Variants in HDAC9 observed in about 807,000 individuals in gnomAD.
The protein encoded by HDAC9 is MEF-2 interacting transcription repressor (MITR) protein.
In HDAC9, 41 loss-of-function variants were observed where a neutral mutation model predicts 139.4. The observed-to-expected ratio is 0.29, with a 90% CI of 0.23 to 0.38. HDAC9 has a LOEUF of 0.38. HDAC9 is among the 10% of genes least tolerant of loss of function. HDAC9 has a pLI of 1.00. For synonymous variants in HDAC9, 517 were observed against 476.2 expected, an observed-to-expected ratio of 1.09 and a Z score of -1.12; for missense variants, 1,147 against 1,297.0, an observed-to-expected ratio of 0.88 and a Z score of 1.78.
At chr7:18,755,247 C>T (rs1387602523) in intron 14 of HDAC9, among the ~76,000 whole-genome samples, 1 of 151,962 alleles carries the variant, frequency 6.6e-6, no homozygotes, top group East Asian at 1.9e-4. Context: ...ATAAATATAC[C>T]AAAACTAATT....
intron 1 of HDAC9, among the ~76,000 whole-genome samples, chr7:18,356,847 A>C (rs1384928310): frequency 6.6e-6 from 1 of 152,188 alleles, no homozygotes; most frequent in South Asian, 2.1e-4. Context: ...GCAGGATTTA[A>C]AATCTATAAG....
intron 1 of HDAC9, among the ~76,000 whole-genome samples, chr7:18,094,694 T>C (rs1782388426): frequency 6.6e-6 from 1 of 152,170 alleles, no homozygotes; most frequent in African/African-American, 2.4e-5. Context: ...GGCCTCAAGC[T>C]ATCCTCCTGC....
At chr7:18,967,198 T>C (rs1461220433) in intron 24 of HDAC9, among the ~76,000 whole-genome samples, 2 of 152,178 alleles carry the variant, frequency 1.3e-5, no homozygotes, top group Non-Finnish European at 2.9e-5. Flanking sequence ...AAGGAACAAT[T>C]TAAGAAGTGC....
In HDAC9 at chr7:18,575,044, G is replaced by C. The variant is rs903851342; in HGVS notation, c.23-10237G>C. Reference sequence around the variant, plus strand: ...GCAGCCCCCGCCCCCACTGCAGCTGGTGTCATGGCAGCAGCCCTTCTGGAC... The same window carrying C: ...GCAGCCCCCGCCCCCACTGCAGCTGCTGTCATGGCAGCAGCCCTTCTGGAC... On this transcript the variant is annotated intron_variant, in intron 2 of 25. Coordinates refer to ENST00000686413, the MANE Select transcript of HDAC9 (RefSeq NM_178425.4). Among the ~76,000 whole-genome samples, 7 of 152,368 alleles carry C rather than the reference G, an allele frequency of 4.6e-5. No individual in the cohort carries two copies. In the East Asian group the frequency reaches 1.3e-3, roughly 29 times the overall value.
At chr7:18,594,437 C>T (rs1583840857) in intron 6 of HDAC9, among the ~76,000 whole-genome samples, 1 of 151,896 alleles carries the variant, frequency 6.6e-6, no homozygotes, top group Non-Finnish European at 1.5e-5. Context: ...TTTAATTTTT[C>T]CAATAAATAT....
At chr7:18,635,100 A>G (rs1305014637) in intron 8 of HDAC9, among the ~76,000 whole-genome samples, 1 of 151,836 alleles carries the variant, frequency 6.6e-6, no homozygotes, top group Non-Finnish European at 1.5e-5. Flanking sequence ...TCAGTCAAAC[A>G]TTCTTAGTGA....
intron 12 of HDAC9, among the ~76,000 whole-genome samples, chr7:18,722,023 A>T (rs1203298067): frequency 6.6e-6 from 1 of 152,212 alleles, no homozygotes; most frequent in African/African-American, 2.4e-5. Context: ...TTTACAAAAT[A>T]GTTGCATAAC....
chr7:18,640,087 G>T (rs929460034), intron 8 of HDAC9, among the ~76,000 whole-genome samples: 2 of 151,844 alleles, frequency 1.3e-5, no homozygotes, highest in African/African-American at 4.8e-5. Flanking sequence ...CCACATTTCT[G>T]TGAGCTTTTT....
intron 12 of HDAC9, among the ~76,000 whole-genome samples, chr7:18,721,351 C>A (rs551302043): frequency 3.3e-5 from 5 of 151,792 alleles, no homozygotes; most frequent in Non-Finnish European, 7.4e-5. Context: ...CATTAACATA[C>A]TTAATATGTG....
intron 2 of HDAC9, among the ~76,000 whole-genome samples, chr7:18,269,462 C>A (rs557047164): frequency 1.3e-5 from 2 of 152,284 alleles, no homozygotes; most frequent in South Asian, 2.1e-4. Flanking sequence ...AGGAACTACA[C>A]TGAATTGGGC....
chr7:18,903,837 G>C (rs1008488156), intron 22 of HDAC9, among the ~76,000 whole-genome samples: 3 of 152,170 alleles, frequency 2.0e-5, no homozygotes, highest in African/African-American at 7.2e-5. Context: ...GATCTTTGTA[G>C]TCAAGCATGC....
At chr7:18,904,293 A>G (rs1237591822) in intron 22 of HDAC9, among the ~76,000 whole-genome samples, 1 of 152,192 alleles carries the variant, frequency 6.6e-6, no homozygotes, top group Non-Finnish European at 1.5e-5. Flanking sequence ...TTATAAAAGG[A>G]GGATTTAAAA....
intron 13 of HDAC9, among the ~76,000 whole-genome samples, chr7:18,740,730 G>A (rs910603716): frequency 6.6e-6 from 1 of 152,234 alleles, no homozygotes; most frequent in Admixed American, 6.5e-5. Context: ...AGGAAGTCAT[G>A]TCAAAAGCTG....
At chr7:18,784,795 A>G (rs562238739) in intron 16 of HDAC9, among the ~76,000 whole-genome samples, 6 of 152,146 alleles carry the variant, frequency 3.9e-5, no homozygotes, top group Non-Finnish European at 7.4e-5. Flanking sequence ...CAGTGCCCAC[A>G]TATATTTCAC....
At chr7:18,666,825 G>T in intron 12 of HDAC9, 1 of 1,070,110 alleles carries the variant, frequency 9.3e-7, no homozygotes, top group Non-Finnish European at 1.1e-6. Flanking sequence ...CAAATTCACT[G>T]TTATTTTGAG....
Position 18,954,174 on chromosome 7 carries a change from AC to A in HDAC9, c.2968del (p.Gln990LysfsTer5). ...GAGCCACTTGCAGAAGATATTCTCCACCAAAGCCCGAATATGAATGCTGTTA... is the reference window on the plus strand; with the variant it reads ...GAGCCACTTGCAGAAGATATTCTCCACAAAGCCCGAATATGAATGCTGTTA... ...ELEPLAEDIL[H>X]QSPNMNAVIS... On this transcript the variant is annotated frameshift_variant, in exon 24 of 26. Coordinates refer to ENST00000686413, the MANE Select transcript of HDAC9 (RefSeq NM_178425.4). LOFTEE classifies it high-confidence loss of function. 6.4e-7 allele frequency: 1 copy of A among 1,574,654 alleles called. No individual in the cohort carries two copies. Among genetic ancestry groups the A allele is most frequent in the Admixed American group, 1.8e-5 (1 of 56,300 alleles).
At chr7:18,135,599 A>C (rs1785345597) in intron 1 of HDAC9, among the ~76,000 whole-genome samples, 1 of 132,286 alleles carries the variant, frequency 7.6e-6, no homozygotes. Context: ...GATGATTTCC[A>C]ATTTCATCCA....
chr7:18,579,536 A>G (rs1210261965), intron 2 of HDAC9, among the ~76,000 whole-genome samples: 1 of 152,352 alleles, frequency 6.6e-6, no homozygotes, highest in East Asian at 1.9e-4. Context: ...TAACATTTGT[A>G]TATCGCCAAA....
chr7:18,964,852 G>C (rs888051291), intron 24 of HDAC9, among the ~76,000 whole-genome samples: 1 of 152,178 alleles, frequency 6.6e-6, no homozygotes, highest in Non-Finnish European at 1.5e-5. Flanking sequence ...CCTTCAACCT[G>C]TGGGGATTAT....
Sources: allele counts gnomAD v4.1 joint callset (sites outside exome capture counted in the v4.1 genomes callset), GRCh38; gene constraint gnomAD v4.1.1; transcripts MANE v1.5; gene names NCBI Gene and HGNC (gene_info 2026-07-23, HGNC 2026-07-21).